Variants in SMYD3 observed in about 807,000 individuals in gnomAD.
The protein encoded by SMYD3 is SET and MYND domain containing 3, also known as histone-lysine N-methyltransferase SMYD3.
SMYD3 carries 36 observed loss-of-function variants against 57.7 expected under a neutral mutation model. That is an observed-to-expected ratio of 0.62 (90% CI 0.48 to 0.82). SMYD3 has a LOEUF of 0.82. Ranked by LOEUF, SMYD3 falls within the 40% of genes least tolerant of loss-of-function variation. The probability of loss-of-function intolerance (pLI) is 0.00; values close to 1 mark genes in which losing one functional copy is unlikely to be tolerated. For missense variants in SMYD3, 515 were observed against 538.8 expected (o/e 0.96, Z 0.44); for synonymous variants, 211 against 195.0 (o/e 1.08, Z -0.68).
intron 5 of SMYD3, among the ~76,000 whole-genome samples, chr1:246,182,697 TG>T (rs2148291881): frequency 6.6e-6 from 1 of 152,318 alleles, no homozygotes; most frequent in South Asian, 2.1e-4. Flanking sequence ...ATAAAACTGA[TG>T]ACAGCAATCA....
intron 5 of SMYD3, among the ~76,000 whole-genome samples, chr1:246,209,058 C>T (rs931157672): frequency 2.6e-5 from 4 of 152,094 alleles, no homozygotes; most frequent in Non-Finnish European, 5.9e-5. Context: ...ATAAAAATGT[C>T]TCCATCACAG....
chr1:246,001,087 G>A (rs1277543932), intron 5 of SMYD3, among the ~76,000 whole-genome samples: 4 of 152,142 alleles, frequency 2.6e-5, no homozygotes, highest in East Asian at 1.9e-4. Context: ...CGCCCCCGAC[G>A]AGGAGGGAAA....
At chr1:245,959,955 T>C (rs944168622) in intron 5 of SMYD3, among the ~76,000 whole-genome samples, 1 of 152,052 alleles carries the variant, frequency 6.6e-6, no homozygotes, top group African/African-American at 2.4e-5. Context: ...ACTTTTTCCA[T>C]TTTCTGTAGA....
chr1:246,228,934 T>C (rs190497898), intron 5 of SMYD3, among the ~76,000 whole-genome samples: 3 of 152,208 alleles, frequency 2.0e-5, no homozygotes, highest in South Asian at 2.1e-4. Context: ...AATGAATAAA[T>C]AGATAAAGTG....
At chr1:246,436,894 T>G (rs919184211) in intron 1 of SMYD3, among the ~76,000 whole-genome samples, 13 of 121,010 alleles carry the variant, frequency 1.1e-4, no homozygotes, top group Admixed American at 7.2e-4. Context: ...CTGCCAGAGT[T>G]TCTTTCTTTT....
rs143136089 is a variant in SMYD3 at position 246,209,427 on chromosome 1, T to A, written c.531+117774A>T. On this transcript the variant is annotated intron_variant, in intron 5 of 11. Coordinates refer to ENST00000490107, the MANE Select transcript of SMYD3 (RefSeq NM_001167740.2). Reference sequence around the variant, plus strand: ...TCTGCATTAAGACCAAAACTGGGATTCAGGGTATATATAACAAGAGGGGGA... The same window carrying A: ...TCTGCATTAAGACCAAAACTGGGATACAGGGTATATATAACAAGAGGGGGA... Among the ~76,000 whole-genome samples, 41 of 152,260 alleles carry A rather than the reference T, an allele frequency of 2.7e-4. No individual in the cohort carries two copies. In the East Asian group the frequency reaches 7.5e-3, roughly 28 times the overall value.
intron 1 of SMYD3, among the ~76,000 whole-genome samples, chr1:246,373,770 C>A (rs2066225642): frequency 1.3e-5 from 2 of 152,148 alleles, no homozygotes; most frequent in Admixed American, 1.3e-4. Flanking sequence ...GAAGGTCACC[C>A]AGATAAAGTA....
chr1:245,882,134 A>G (rs1222224111), intron 8 of SMYD3, among the ~76,000 whole-genome samples: 2 of 152,240 alleles, frequency 1.3e-5, no homozygotes, highest in Non-Finnish European at 2.9e-5. Context: ...AGGCTCTTGC[A>G]GTAGTGTAAA....
chr1:246,132,516 C>T (rs1006701677), intron 5 of SMYD3, among the ~76,000 whole-genome samples: 8 of 152,036 alleles, frequency 5.3e-5, no homozygotes, highest in Non-Finnish European at 4.4e-5. Flanking sequence ...AAACAAAAGA[C>T]CTAAAACTAT....
chr1:245,912,168 C>CA (rs2055040667), intron 8 of SMYD3, among the ~76,000 whole-genome samples: 1 of 151,990 alleles, frequency 6.6e-6, no homozygotes, highest in Admixed American at 6.6e-5. Context: ...CTGCAAGATA[C>CA]AAAATCAACA....
At chr1:245,756,025 A>T (rs2045589378) in intron 11 of SMYD3, among the ~76,000 whole-genome samples, 1 of 148,884 alleles carries the variant, frequency 6.7e-6, no homozygotes, top group Non-Finnish European at 1.5e-5. Flanking sequence ...TTTTTTTAGA[A>T]TTTCATTCTC....
chr1:246,088,566 T>C (rs6694888), intron 5 of SMYD3, among the ~76,000 whole-genome samples: 95,746 of 130,026 alleles, frequency 0.74, 34,609 homozygotes, highest in Admixed American at 0.81. Flanking sequence ...GCCGAGATCA[T>C]GCCACTGCAC....
At chr1:246,279,166 TAAGTGGCCCC>T (rs1229405159) in intron 5 of SMYD3, among the ~76,000 whole-genome samples, 1 of 152,172 alleles carries the variant, frequency 6.6e-6, no homozygotes, top group Non-Finnish European at 1.5e-5. Context: ...CCCTTGGCTC[TAAGTGGCCCC>T]AGTGGACATG....
chr1:245,750,509 C>T (rs765904576), intron 11 of SMYD3, among the ~76,000 whole-genome samples: 5 of 152,130 alleles, frequency 3.3e-5, no homozygotes, highest in Non-Finnish European at 5.9e-5. Context: ...ATCTGTCTTC[C>T]CAGATGAAAC....
intron 5 of SMYD3, among the ~76,000 whole-genome samples, chr1:246,228,691 A>C (rs2063366771): frequency 6.6e-6 from 1 of 152,208 alleles, no homozygotes; most frequent in Non-Finnish European, 1.5e-5. Context: ...CAAAATCTTT[A>C]TTCTACTGCT....
At chr1:246,116,331 TGAG>T (rs999312414) in intron 5 of SMYD3, among the ~76,000 whole-genome samples, 1 of 151,952 alleles carries the variant, frequency 6.6e-6, no homozygotes, top group African/African-American at 2.4e-5. Flanking sequence ...TAAATCACAT[TGAG>T]GAGGTTTCTT....
chr1:246,428,450 T>A (rs2067251239), intron 1 of SMYD3, among the ~76,000 whole-genome samples: 1 of 152,196 alleles, frequency 6.6e-6, no homozygotes, highest in African/African-American at 2.4e-5. Context: ...ATGACAACAG[T>A]AACAACAGCA....
Position 246,507,085 on chromosome 1 carries a change from G to A in SMYD3, c.133C>T (p.Arg45Cys), listed in dbSNP as rs2103083334. ...PLAYTVCKGS[R>C]GVVCDRCLLG... ...AGGCAGCGGTCGCAGACGACGCCAC[G>A]ACTCCCCTTGCACACCGTGTACGCC... Residue 45 changes from arginine (R) to cysteine (C), a missense_variant, in exon 1 of 12, where the codon CGT (arginine) becomes TGT (cysteine). Coordinates refer to ENST00000490107, the MANE Select transcript of SMYD3 (RefSeq NM_001167740.2). 10 of 1,504,006 alleles carry A rather than the reference G, an allele frequency of 6.6e-6. No homozygotes were observed. Among genetic ancestry groups the A allele is most frequent in the Admixed American group, 2.2e-5 (1 of 46,360 alleles). The allele number at this position is 1,504,006 out of a possible 1,614,324, so 93.2% of individuals were successfully genotyped here. A position where few individuals can be genotyped will look rare whatever the true frequency, so the allele number is the denominator to read the frequency against.
intron 5 of SMYD3, among the ~76,000 whole-genome samples, chr1:246,020,058 A>C (rs10924448): frequency 0.018 from 2,756 of 152,316 alleles, 113 homozygotes; most frequent in South Asian, 0.15. Flanking sequence ...CTCAGAACCA[A>C]GGGATTTCAC....
Sources: gnomAD v4.1 joint callset for allele counts (sites outside exome capture counted in the v4.1 genomes callset) on GRCh38, gnomAD v4.1.1 for gene constraint, MANE v1.5 for transcripts, NCBI Gene and HGNC (gene_info 2026-07-23, HGNC 2026-07-21) for gene names.